Variants in MGA observed in about 807,000 individuals in gnomAD.
MGA encodes MAX dimerization protein MGA, also known as MAX gene-associated protein.
In MGA, 40 loss-of-function variants were observed where a neutral mutation model predicts 261.1. That is an observed-to-expected ratio of 0.15 (90% CI 0.12 to 0.20). MGA has a LOEUF of 0.20. Ranked by LOEUF, MGA falls within the 10% of genes least tolerant of loss-of-function variation. MGA has a pLI of 1.00. For missense variants in MGA, 3,397 were observed against 3,630.5 expected (o/e 0.94, Z 1.65); for synonymous variants, 1,302 against 1,290.6 (o/e 1.01, Z -0.19).
intron 1 of MGA, among the ~76,000 whole-genome samples, chr15:41,634,521 A>G (rs1452743976): frequency 6.6e-6 from 1 of 152,154 alleles, no homozygotes; most frequent in Non-Finnish European, 1.5e-5. Flanking sequence ...GTGTGTATGT[A>G]TGTTTGAATA....
Position 41,670,938 on chromosome 15 carries a change from G to A in MGA, c.1064+980G>A, listed in dbSNP as rs114747029. 9.9e-3 allele frequency among the ~76,000 whole-genome samples: 1,501 copies of A among 152,264 alleles called. 27 individuals are homozygous for A. The highest frequency in any genetic ancestry group is 0.034 in the African/African-American group (1,427 of 41,534). On this transcript the variant is annotated intron_variant, in intron 2 of 23. Coordinates refer to ENST00000219905, the MANE Select transcript of MGA (RefSeq NM_001164273.2). Reference sequence around the variant, plus strand: ...AATAACGACTCTGAATCCATTTTGTGCCTTATATAGATAAGTTTTGTTTCC... The same window carrying A: ...AATAACGACTCTGAATCCATTTTGTACCTTATATAGATAAGTTTTGTTTCC...
intron 19 of MGA, among the ~76,000 whole-genome samples, chr15:41,759,918 T>G (rs1173206533): frequency 6.6e-6 from 1 of 152,120 alleles, no homozygotes; most frequent in African/African-American, 2.4e-5. Context: ...AGAGTGGCAG[T>G]TGATTTTTTA....
chr15:41,720,848 T>C (rs959781184), intron 9 of MGA, among the ~76,000 whole-genome samples: 2 of 151,922 alleles, frequency 1.3e-5, no homozygotes, highest in Admixed American at 6.6e-5. Context: ...AATAAAATAA[T>C]ACTGTAAACA....
At chr15:41,654,039 G>A (rs1411722493) in intron 1 of MGA, among the ~76,000 whole-genome samples, 1 of 151,342 alleles carries the variant, frequency 6.6e-6, no homozygotes, top group African/African-American at 2.4e-5. Flanking sequence ...TCTTGTGGCT[G>A]TCCTTCGGTC....
At chr15:41,660,022 G>T (rs2057299171), upstream of MGA, among the ~76,000 whole-genome samples, 2 of 152,262 alleles carry the variant, frequency 1.3e-5, no homozygotes. Context: ...GGAGCCCCGT[G>T]TGGGTGGGGC....
intron 1 of MGA, among the ~76,000 whole-genome samples, 155 bp downstream of exon 1, chr15:41,660,680 C>T (rs1481462207): frequency 2.0e-5 from 3 of 152,214 alleles, no homozygotes; most frequent in African/African-American, 7.2e-5. Context: ...CGCAGGGCCG[C>T]CTTTGGCGCG....
At chr15:41,630,059 GC>G (rs2056554501) in intron 1 of MGA, among the ~76,000 whole-genome samples, 2 of 152,112 alleles carry the variant, frequency 1.3e-5, no homozygotes, top group Non-Finnish European at 2.9e-5. Context: ...TCTTCGCTTA[GC>G]ATACCAGAGC....
At chr15:41,644,346 CAAAAAAAAAAAAA>C (rs34743222) in intron 1 of MGA, among the ~76,000 whole-genome samples, 1 of 65,696 alleles carries the variant, frequency 1.5e-5, no homozygotes, top group African/African-American at 5.8e-5. Context: ...CCATCTGTAC[CAAAAAAAAAAAAA>C]AAAAAAAAAA....
At chr15:41,709,800 T>C (rs2060299025) in intron 7 of MGA, among the ~76,000 whole-genome samples, 1 of 149,612 alleles carries the variant, frequency 6.7e-6, no homozygotes, top group Non-Finnish European at 1.5e-5. Flanking sequence ...TTTTTTTTTT[T>C]TCCCCTGTTA....
At chr15:41,726,218 TCTGCCTCTTACTGGTTGGACATCC>T (rs1685630781) in intron 9 of MGA, among the ~76,000 whole-genome samples, 1 of 152,168 alleles carries the variant, frequency 6.6e-6, no homozygotes, top group South Asian at 2.1e-4. Context: ...TGATTCTGGT[TCTGCCTCTTACTGGTTGGACATCC>T]CTGCCTCTCA....
chr15:41,732,906 G>T (rs1330975923), intron 11 of MGA, among the ~76,000 whole-genome samples: 1 of 152,104 alleles, frequency 6.6e-6, no homozygotes, highest in Non-Finnish European at 1.5e-5. Flanking sequence ...TTTAAAAATT[G>T]GAACCAAGGG....
At chr15:41,725,421 C>T (rs1011362874) in intron 9 of MGA, among the ~76,000 whole-genome samples, 15 of 152,184 alleles carry the variant, frequency 9.9e-5, no homozygotes, top group African/African-American at 3.4e-4. Context: ...GTGGCATGTA[C>T]CTGTAGACCT....
intron 1 of MGA, among the ~76,000 whole-genome samples, chr15:41,648,141 G>A (rs1866361224): frequency 6.6e-6 from 1 of 151,994 alleles, no homozygotes; most frequent in African/African-American, 2.4e-5. Flanking sequence ...TGCTTACTTC[G>A]TATCTGGCAC....
intron 1 of MGA, among the ~76,000 whole-genome samples, chr15:41,623,099 A>G (rs965001584): frequency 6.6e-6 from 1 of 152,146 alleles, no homozygotes; most frequent in African/African-American, 2.4e-5. Context: ...CACTGAGGAA[A>G]ATAGCAACAG....
chr15:41,733,922 C>CTTTTTTT (rs143496306), intron 11 of MGA, among the ~76,000 whole-genome samples: 1 of 145,256 alleles, frequency 6.9e-6, no homozygotes, highest in African/African-American at 2.5e-5. Flanking sequence ...TTGTTTCTTT[C>CTTTTTTT]TTTTTTTTTT....
In MGA at chr15:41,742,745, T is replaced by A; in HGVS notation, c.4785T>A (p.Ala1595=). The A allele has an allele frequency of 6.2e-7, 1 of 1,614,030 alleles. No homozygotes were observed. The highest frequency in any genetic ancestry group is 8.5e-7 in the Non-Finnish European group (1 of 1,179,872). ...TTCAGGTGTGCAGCCCTGTGACTGC[T>A]GCTGTCACTACTACCACCCCTCAAG... Residue 1595 remains alanine, a synonymous_variant, in exon 15 of 24, where the codon GCT becomes GCA. Coordinates refer to ENST00000219905, the MANE Select transcript of MGA (RefSeq NM_001164273.2).
intron 1 of MGA, among the ~76,000 whole-genome samples, chr15:41,623,813 C>T (rs1452945878): frequency 6.8e-6 from 1 of 147,860 alleles, no homozygotes; most frequent in Non-Finnish European, 1.5e-5. Flanking sequence ...TCGGGCTTGT[C>T]CCCCAGGCTG....
chr15:41,635,435 C>T (rs117834187), intron 1 of MGA, among the ~76,000 whole-genome samples: 4,334 of 151,634 alleles, frequency 0.029, 113 homozygotes, highest in Non-Finnish European at 0.04. Flanking sequence ...TAAGGCTGGG[C>T]GCGGTGGCTC....
Position 41,736,523 on chromosome 15 carries a change from C to T in MGA, c.4259C>T (p.Pro1420Leu). ...TCTGGATCAGAGACTCCTGATGGTC[C>T]ATTGTCCCCTGGGAAAATGGAGGAT... The change falls in exon 13 of 24, where the codon CCA (proline) becomes CTA (leucine). Residue 1420 changes from proline to leucine, a missense_variant. Physicochemically the swap from Pro to Leu is moderately conservative, Grantham distance 98. Around this residue, in one of 9 missense-constraint regions of MGA, gnomAD observed 1,410 missense variants for 1,386.4 expected, o/e 1.02. Transcript: ENST00000219905. The T allele has an allele frequency of 1.2e-6, 2 of 1,614,008 alleles. No homozygotes were observed. Among genetic ancestry groups the T allele is most frequent in the Non-Finnish European group, 1.7e-6 (2 of 1,179,894 alleles).
Sources: gnomAD v4.1 joint callset for allele counts (sites outside exome capture counted in the v4.1 genomes callset) on GRCh38, gnomAD v4.1.1 for gene constraint, gnomAD v4.1.1 regional missense constraint, MANE v1.5 for transcripts, NCBI Gene and HGNC (gene_info 2026-07-23, HGNC 2026-07-21) for gene names.